Variants in ARHGAP36 observed in about 807,000 individuals in gnomAD.
The protein encoded by ARHGAP36 is Rho GTPase activating protein 36.
In ARHGAP36, 7 loss-of-function variants were observed where a neutral mutation model predicts 32.9. The observed-to-expected ratio is 0.21, with a 90% CI of 0.12 to 0.40. The LOEUF is 0.40. Among genes scored for constraint, ARHGAP36 ranks in the 10% least tolerant of loss-of-function variants. The pLI, the probability that ARHGAP36 is intolerant of heterozygous loss-of-function variation, is 1.00. For synonymous variants in ARHGAP36, 165 were observed against 168.3 expected (o/e 0.98, Z 0.15); for missense variants, 383 against 442.2 (o/e 0.87, Z 1.20).
Position 131,081,515 on chromosome X carries a change from C to A in ARHGAP36, c.-142-9C>A. ...ATTTTTGAAGTTGGATTTTTTTTTT[C>A]TTTTTTAGCAAAAACAACCAGAGGC... On this transcript the variant is annotated splice_polypyrimidine_tract_variant and intron_variant, in intron 1 of 11. Coordinates refer to ENST00000276211, the MANE Select transcript of ARHGAP36 (RefSeq NM_144967.4). 3.7e-5 allele frequency: 36 copies of A among 984,996 alleles called. No homozygotes were observed. The highest frequency in any genetic ancestry group is 4.5e-5 in the African/African-American group (2 of 44,755). The allele number at this position is 984,996 out of a possible 1,213,427, so 81.2% of individuals were successfully genotyped here.
At position 131,083,866 on chromosome X, in the gene ARHGAP36, G is replaced by C; in HGVS notation, c.452G>C (p.Arg151Pro). 1 of 1,212,232 alleles carries C rather than the reference G, an allele frequency of 8.2e-7. No individual in the cohort carries two copies. The highest frequency in any genetic ancestry group is 1.1e-6 in the Non-Finnish European group (1 of 895,641). Residue 151 changes from arginine to proline, a missense_variant, in exon 4 of 12, where the codon CGG becomes CCG. By Grantham distance (103) the Arg-to-Pro change is moderately radical. Coordinates refer to ENST00000276211, the MANE Select transcript of ARHGAP36 (RefSeq NM_144967.4). ...EATGQAAGRRRGNVVRRVFGR... is the reference protein window; with the variant it reads ...EATGQAAGRRPGNVVRRVFGR... ...ACCGGTCAGGCTGCGGGCCGTCGTC[G>C]GGGAAACGTGGTGCGAAGGGTGTTT...
Position 131,058,372 on chromosome X carries a change from C to G in ARHGAP36, c.-215C>G. 8.9e-7 allele frequency: 1 copy of G among 1,127,146 alleles called. No homozygotes were observed. 92.9% of individuals were successfully genotyped at this position (1,127,146 alleles called of 1,213,427 possible). A position where few individuals can be genotyped will look rare whatever the true frequency, so the allele number is the denominator to read the frequency against. On this transcript the variant is annotated 5_prime_UTR_variant, in exon 1 of 12. Coordinates refer to ENST00000276211, the MANE Select transcript of ARHGAP36 (RefSeq NM_144967.4). The stretch of plus-strand genomic sequence containing the variant: ...CAAAGGTTAACTGCGAGCTGCCGGG[C>G]ACTCAGCGCGGGTCATGGCGTGGAT...
At chrX:131,064,476 C>T (rs770939582) in intron 1 of ARHGAP36, among the ~76,000 whole-genome samples, 20 of 111,295 alleles carry the variant, frequency 1.8e-4, no homozygotes, top group African/African-American at 5.2e-4. Context: ...TACATGAGAA[C>T]GAAAAAAAGT....
intron 1 of ARHGAP36, among the ~76,000 whole-genome samples, chrX:131,073,961 C>A (rs1007088049): frequency 1.4e-4 from 16 of 111,406 alleles, no homozygotes; most frequent in African/African-American, 5.2e-4. Context: ...TCTCCCACAG[C>A]CCCAGTTCCC....
At chrX:131,086,847 A>C (rs971642431) in intron 11 of ARHGAP36, among the ~76,000 whole-genome samples, 182 bp downstream of exon 11, 2 of 111,958 alleles carry the variant, frequency 1.8e-5, no homozygotes, top group African/African-American at 6.5e-5. Flanking sequence ...GGGAAGCTCA[A>C]GGTCTAGAAA....
At chrX:131,066,984 G>A (rs999019110) in intron 1 of ARHGAP36, among the ~76,000 whole-genome samples, 2 of 111,692 alleles carry the variant, frequency 1.8e-5, no homozygotes, top group Non-Finnish European at 3.8e-5. Flanking sequence ...CTCTACAGCC[G>A]TTCAGAGTTT....
At position 131,078,690 on chromosome X, in the gene ARHGAP36, C is replaced by A; in HGVS notation, c.-142-2834C>A. 3.1e-6 allele frequency: 3 copies of A among 966,799 alleles called. No individual in the cohort carries two copies. In the South Asian group the frequency reaches 6.2e-5, roughly 20 times the overall value. 79.7% of individuals were successfully genotyped at this position (966,799 alleles called of 1,213,427 possible). A position where few individuals can be genotyped will look rare whatever the true frequency, so the allele number is the denominator to read the frequency against. The stretch of plus-strand genomic sequence containing the variant: ...CACCCATCTGCTTCTTGTCTGGGGA[C>A]ATTGGTCTTCCTAAATCTGCTTCTG... On this transcript the variant is annotated intron_variant, in intron 1 of 11. Transcript: ENST00000276211.
chrX:131,083,609 CG>C, intron 3 of ARHGAP36, 124 bp from the exon 4 acceptor site: 2 of 679,444 alleles, frequency 2.9e-6, no homozygotes, highest in Non-Finnish European at 4.6e-6. Context: ...AGGGGCGCTG[CG>C]GTTCTGGAGA....
At chrX:131,081,941 G>A (rs759366070) in intron 2 of ARHGAP36, 23 bp downstream of exon 2, 2 of 1,205,805 alleles carry the variant, frequency 1.7e-6, no homozygotes, top group East Asian at 3.0e-5. Context: ...CCGGATTGTG[G>A]CATCCTCGCC....
rs745977213 is a variant in ARHGAP36 at position 131,085,731 on chromosome X, C to G, written c.1099C>G (p.Gln367Glu). Residue 367 changes from glutamine (Q) to glutamate (E), a missense_variant, in exon 8 of 12, where the codon CAG becomes GAG. By Grantham distance (29) the Gln-to-Glu change is conservative. Coordinates refer to ENST00000276211, the MANE Select transcript of ARHGAP36 (RefSeq NM_144967.4). ...CGAGGACTCAATTGGCATTGATGGA[C>G]AGTTGGTAAAAAGATCTTGGAAAGA... is the stretch of plus-strand genomic sequence containing the variant. Reference protein sequence around the residue: ...NCEDSIGIDGQLVPGNRMTST... With the variant: ...NCEDSIGIDGELVPGNRMTST... The G allele has an allele frequency of 7.4e-6, 9 of 1,208,590 alleles. No homozygotes were observed. The highest frequency in any genetic ancestry group is 8.9e-6 in the Non-Finnish European group (8 of 894,849).
At chrX:131,082,648 G>T (rs2079809289) in intron 2 of ARHGAP36, among the ~76,000 whole-genome samples, 1 of 113,356 alleles carries the variant, frequency 8.8e-6, no homozygotes, top group Admixed American at 9.2e-5. Context: ...GAAGCAAAGG[G>T]CGAGGAGCCC....
At chrX:131,077,513 A>G (rs1173016569) in intron 1 of ARHGAP36, among the ~76,000 whole-genome samples, 1 of 110,566 alleles carries the variant, frequency 9.0e-6, no homozygotes, top group Non-Finnish European at 1.9e-5. Flanking sequence ...TGAAGGCTGT[A>G]GATTTATGCC....
intron 1 of ARHGAP36, among the ~76,000 whole-genome samples, chrX:131,080,397 TTA>T (rs1491260055): frequency 3.1e-4 from 18 of 58,056 alleles, no homozygotes; most frequent in African/African-American, 7.0e-4. Context: ...TGTTAAATCT[TTA>T]AAAAAAAAAA....
chrX:131,070,124 G>C (rs1301781716), intron 1 of ARHGAP36, among the ~76,000 whole-genome samples: 1 of 112,544 alleles, frequency 8.9e-6, no homozygotes, highest in Non-Finnish European at 1.9e-5. Flanking sequence ...ATTGGACAAA[G>C]AGTTATTCCA....
intron 7 of ARHGAP36, 59 bp from the exon 8 acceptor site, chrX:131,085,529 G>T (rs2079830273): frequency 1.7e-6 from 2 of 1,150,068 alleles, no homozygotes; most frequent in Non-Finnish European, 2.3e-6. Flanking sequence ...CACCTCCCTT[G>T]GTATCAGTCT....
chrX:131,084,047 T>C, intron 4 of ARHGAP36, 78 bp downstream of exon 4: 1 of 1,116,126 alleles, frequency 9.0e-7, no homozygotes, highest in Non-Finnish European at 1.2e-6. Context: ...GATCAAGGCC[T>C]GTGCCCTCAG....
rs192959132 is a variant in ARHGAP36, at chrX:131,078,743, G to A, written c.-142-2781G>A. On this transcript the variant is annotated intron_variant, in intron 1 of 11. Coordinates refer to ENST00000276211, the MANE Select transcript of ARHGAP36 (RefSeq NM_144967.4). ...TTGTATGCTACTGGCACCTTGAGAA[G>A]GTTGAAAGCAAGTAAGGCAATGCCA... 1,756 of 980,546 alleles carry A rather than the reference G, an allele frequency of 1.8e-3. 1 individual carries two copies. Among genetic ancestry groups the A allele is most frequent in the Non-Finnish European group, 2.2e-3 (1,661 of 755,284 alleles). The allele number at this position is 980,546 out of a possible 1,213,427, so 80.8% of individuals were successfully genotyped here.
chrX:131,082,010 A>T, intron 2 of ARHGAP36, 92 bp downstream of exon 2: 1 of 1,053,383 alleles, frequency 9.5e-7, no homozygotes, highest in African/African-American at 1.8e-5. Flanking sequence ...GCAGGGTGGG[A>T]GGGGCTCACG....
chrX:131,086,517 G>A (rs376412453), intron 10 of ARHGAP36, 42 bp from the exon 11 acceptor site: 4 of 1,199,045 alleles, frequency 3.3e-6, no homozygotes, highest in African/African-American at 3.5e-5. Flanking sequence ...ATTAAGTAAC[G>A]CAAGTACACA....
Sources: gnomAD v4.1 joint callset for allele counts (sites outside exome capture counted in the v4.1 genomes callset) on GRCh38, gnomAD v4.1.1 for gene constraint, MANE v1.5 for transcripts, NCBI Gene and HGNC (gene_info 2026-07-23, HGNC 2026-07-21) for gene names.